Variants in CNGB3 observed in about 807,000 individuals in gnomAD.
The protein encoded by CNGB3 is cyclic nucleotide-gated channel beta-3.
In CNGB3, 86 loss-of-function variants were observed where a neutral mutation model predicts 92.8. The observed-to-expected ratio is 0.93, with a 90% confidence interval of 0.78 to 1.11. CNGB3 has a LOEUF of 1.11. Among genes scored for constraint, CNGB3 ranks in the 50% least tolerant of loss-of-function variants. The pLI, the probability that CNGB3 is intolerant of heterozygous loss-of-function variation, is 0.00. For synonymous variants in CNGB3, 333 were observed against 332.7 expected, an observed-to-expected ratio of 1.00 and a Z score of -0.01; for missense variants, 1,026 against 956.8, an observed-to-expected ratio of 1.07 and a Z score of -0.95.
intron 17 of CNGB3, among the ~76,000 whole-genome samples, chr8:86,578,387 A>G (rs577616806): frequency 6.6e-6 from 1 of 152,346 alleles, no homozygotes; most frequent in East Asian, 1.9e-4. Flanking sequence ...CTAATAAATT[A>G]TAGTAAGTAG....
chr8:86,674,183 A>G (rs1462832424), intron 3 of CNGB3, among the ~76,000 whole-genome samples: 1 of 152,182 alleles, frequency 6.6e-6, no homozygotes, highest in Non-Finnish European at 1.5e-5. Context: ...CAAACTGTCA[A>G]ACTCTCCAGT....
chr8:86,703,761 T>G (rs529845525), intron 3 of CNGB3, among the ~76,000 whole-genome samples: 1 of 152,328 alleles, frequency 6.6e-6, no homozygotes, highest in Admixed American at 6.5e-5. Flanking sequence ...CATTCGGGTC[T>G]TATACGGTGA....
At chr8:86,672,517 C>T (rs1413734278) in intron 3 of CNGB3, among the ~76,000 whole-genome samples, 1 of 152,164 alleles carries the variant, frequency 6.6e-6, no homozygotes, top group East Asian at 1.9e-4. Context: ...CTCTCACTGT[C>T]TATCTTCCTT....
In CNGB3 at chr8:86,574,206, T is replaced by C. The variant is rs917913957; in HGVS notation, c.*1598A>G. 1 of 152,186 alleles carries C rather than the reference T, an allele frequency of 6.6e-6. No individual in the cohort carries two copies. The highest frequency in any genetic ancestry group is 2.4e-5 in the African/African-American group (1 of 41,444). 9.4% of individuals were successfully genotyped at this position (152,186 alleles called of 1,614,324 possible). On this transcript the variant is annotated 3_prime_UTR_variant, in exon 18 of 18. Transcript: ENST00000320005. The stretch of plus-strand genomic sequence containing the variant: ...GCAATGGTCTTGTATTTTAATATCA[T>C]TTGAATAAATTACAGGGTGTAAAGG...
rs1018386949 is a variant in CNGB3, at chr8:86,683,930, G to C, written c.339-12832C>G. Among the ~76,000 whole-genome samples the C allele has an allele frequency of 2.0e-5, 3 of 152,132 alleles. No homozygotes were observed. In the South Asian group the frequency reaches 6.2e-4, roughly 31 times the overall value. On this transcript the variant is annotated intron_variant, in intron 3 of 17. Coordinates refer to ENST00000320005, the MANE Select transcript of CNGB3 (RefSeq NM_019098.5). ...GTTCTGGATCTATGGCTGGCAAAGA[G>C]TTCTTAAGTTGGACACTAAAAATAC...
In CNGB3 at chr8:86,642,825, A is replaced by G. The variant is rs998043094; in HGVS notation, c.1178+926T>C. On this transcript the variant is annotated intron_variant, in intron 10 of 17. Coordinates refer to ENST00000320005, the MANE Select transcript of CNGB3 (RefSeq NM_019098.5). Reference sequence around the variant, plus strand: ...CTTTTTTTATTTCTGGGACACTTGCATACCTAATTGTCAAGTTTAATTTAT... The same window carrying G: ...CTTTTTTTATTTCTGGGACACTTGCGTACCTAATTGTCAAGTTTAATTTAT... Among the ~76,000 whole-genome samples the G allele has an allele frequency of 4.6e-5, 7 of 151,626 alleles. No homozygotes were observed. In the East Asian group the frequency reaches 9.7e-4, roughly 21 times the overall value.
At chr8:86,588,865 A>G (rs866965336) in intron 15 of CNGB3, among the ~76,000 whole-genome samples, 4,869 of 150,596 alleles carry the variant, frequency 0.032, 240 homozygotes, top group African/African-American at 0.11. Context: ...AATGAGTTAG[A>G]GAGGATTCCC....
At chr8:86,594,143 C>T (rs1052358444) in intron 15 of CNGB3, 8 of 288,762 alleles carry the variant, frequency 2.8e-5, no homozygotes, top group Non-Finnish European at 4.8e-5. Context: ...GGTCTGGGGA[C>T]AGCATCCAAC....
At chr8:86,614,948 A>G (rs1232755859) in intron 13 of CNGB3, among the ~76,000 whole-genome samples, 2 of 152,218 alleles carry the variant, frequency 1.3e-5, no homozygotes, top group African/African-American at 2.4e-5. Flanking sequence ...CTCCGTATCC[A>G]TGGATTCCAC....
intron 3 of CNGB3, among the ~76,000 whole-genome samples, chr8:86,726,047 G>T (rs1484438214): frequency 1.3e-5 from 2 of 152,246 alleles, no homozygotes; most frequent in Middle Eastern, 3.4e-3. Flanking sequence ...TCCTTCAGTG[G>T]CATAAAGATG....
chr8:86,653,850 G>A (rs1054232829), intron 7 of CNGB3, among the ~76,000 whole-genome samples, 162 bp downstream of exon 7: 2 of 152,046 alleles, frequency 1.3e-5, no homozygotes, highest in Non-Finnish European at 2.9e-5. Flanking sequence ...GCACATACAA[G>A]GAAACATATC....
chr8:86,608,906 C>T (rs1006950886), intron 14 of CNGB3, among the ~76,000 whole-genome samples: 3 of 152,114 alleles, frequency 2.0e-5, no homozygotes, highest in African/African-American at 4.8e-5. Flanking sequence ...CCGGTCTCCG[C>T]GCATTGGTGG....
chr8:86,647,872 T>C lies in CNGB3; in HGVS notation c.919A>G (p.Ile307Val), dbSNP rs13265557. ...AGGTAGCAAATATCAAATGGTATTA[T>C]TGATGCGACATCCAACTGTTGAAAG... ...STKFQLDVASIIPFDICYLFF... is the reference protein window; with the variant it reads ...STKFQLDVASVIPFDICYLFF... The change falls in exon 8 of 18, where the codon ATA becomes GTA. Residue 307 changes from isoleucine to valine, a missense_variant. By Grantham distance (29) the Ile-to-Val change is conservative. Coordinates refer to ENST00000320005, the MANE Select transcript of CNGB3 (RefSeq NM_019098.5). 0.065 allele frequency: 103,195 copies of C among 1,590,968 alleles called. 3,760 individuals carry two copies. The highest frequency in any genetic ancestry group is 0.11 in the South Asian group (9,670 of 90,466).
chr8:86,659,656 G>T, intron 6 of CNGB3: 2 of 472,314 alleles, frequency 4.2e-6, no homozygotes, highest in South Asian at 3.5e-5. Flanking sequence ...CAGATCCTTT[G>T]ACTCTCCTTC....
chr8:86,585,316 T>C (rs570225540), intron 15 of CNGB3, among the ~76,000 whole-genome samples: 1 of 151,146 alleles, frequency 6.6e-6, no homozygotes, highest in Non-Finnish European at 1.5e-5. Context: ...TGTGTATGTA[T>C]ATATATATAT....
At chr8:86,638,767 T>TC (rs1237378285) in intron 10 of CNGB3, among the ~76,000 whole-genome samples, 2 of 151,954 alleles carry the variant, frequency 1.3e-5, no homozygotes, top group Non-Finnish European at 2.9e-5. Flanking sequence ...TTCTGAACTC[T>TC]CCCCTGTCAT....
rs1253498893 is a variant in CNGB3, at chr8:86,600,671, G to A, written c.1781+3422C>T. ...GTCACCCAGGCTGGAGCGCAGTGGCGCGATCTCGGCTCACTGCAAGCTCTG... is the reference window on the plus strand; with the variant it reads ...GTCACCCAGGCTGGAGCGCAGTGGCACGATCTCGGCTCACTGCAAGCTCTG... On this transcript the variant is annotated intron_variant, in intron 15 of 17. Transcript: ENST00000320005. Among the ~76,000 whole-genome samples, 24 of 149,240 alleles carry A rather than the reference G, an allele frequency of 1.6e-4. 1 individual carries two copies. The South Asian group carries it at 2.3e-3, about 14-fold the overall frequency.
intron 15 of CNGB3, among the ~76,000 whole-genome samples, chr8:86,580,190 C>CGGGGGGGGGG (rs71275867): frequency 2.2e-5 from 1 of 45,038 alleles, no homozygotes; most frequent in Admixed American, 2.4e-4. Flanking sequence ...GAGAATAGCA[C>CGGGGGGGGGG]GGGGGGGGTG....
intron 3 of CNGB3, among the ~76,000 whole-genome samples, chr8:86,712,137 C>T (rs1277170802): frequency 2.0e-5 from 3 of 151,840 alleles, no homozygotes. Context: ...TTTAAAGTAC[C>T]TTAATAGCAA....
Sources: gnomAD v4.1 joint callset for allele counts (sites outside exome capture counted in the v4.1 genomes callset) on GRCh38, gnomAD v4.1.1 for gene constraint, MANE v1.5 for transcripts, NCBI Gene and HGNC (gene_info 2026-07-23, HGNC 2026-07-21) for gene names.